Variants in CNTNAP2 observed in about 807,000 individuals in gnomAD.
The protein encoded by CNTNAP2 is contactin associated protein 2.
A neutral mutation model predicts 155.2 loss-of-function variants in CNTNAP2; 98 were observed. The observed-to-expected ratio is 0.63, with a 90% CI of 0.54 to 0.75. The LOEUF (loss-of-function observed/expected upper bound fraction) is 0.75. Ranked by LOEUF, CNTNAP2 falls within the 30% of genes least tolerant of loss-of-function variation. CNTNAP2 has a pLI of 0.00. For missense variants in CNTNAP2, 1,727 were observed against 1,688.1 expected (o/e 1.02, Z -0.40); for synonymous variants, 651 against 631.2 (o/e 1.03, Z -0.47).
intron 8 of CNTNAP2, among the ~76,000 whole-genome samples, chr7:147,274,825 A>C (rs978537417): frequency 6.6e-6 from 1 of 151,930 alleles, no homozygotes; most frequent in Admixed American, 6.6e-5. Context: ...TCAAGTTTTT[A>C]ATCTATCTTG....
chr7:147,105,513 A>C (rs1045230140), intron 4 of CNTNAP2, among the ~76,000 whole-genome samples: 1 of 152,044 alleles, frequency 6.6e-6, no homozygotes, highest in African/African-American at 2.4e-5. Context: ...ATCAAATGAA[A>C]TTTTAATCTA....
At chr7:147,959,089 A>G (rs1563148972) in intron 14 of CNTNAP2, among the ~76,000 whole-genome samples, 5 of 152,172 alleles carry the variant, frequency 3.3e-5, no homozygotes, top group African/African-American at 7.2e-5. Flanking sequence ...TTGGCTGTTG[A>G]GACTTGTATT....
intron 13 of CNTNAP2, among the ~76,000 whole-genome samples, chr7:147,782,191 C>T (rs188685290): frequency 5.5e-4 from 84 of 152,138 alleles, no homozygotes; most frequent in African/African-American, 1.3e-3. Context: ...TAAATTACTA[C>T]GAAACATTTG....
intron 1 of CNTNAP2, among the ~76,000 whole-genome samples, chr7:146,617,775 TATCTC>T (rs1799250844): frequency 6.6e-6 from 1 of 152,120 alleles, no homozygotes; most frequent in Non-Finnish European, 1.5e-5. Context: ...TTTTTTAAAA[TATCTC>T]ATAAAAGTCA....
chr7:146,764,436 C>T (rs1469799146), intron 1 of CNTNAP2, among the ~76,000 whole-genome samples: 2 of 150,742 alleles, frequency 1.3e-5, no homozygotes, highest in East Asian at 3.9e-4. Flanking sequence ...CAGATTACAG[C>T]TAGGGTAAAA....
rs183302478 is a variant in CNTNAP2, at chr7:148,266,590, C to T, written c.3382-443C>T. ...CTACAACTGTTTACCCCACTTGACC[C>T]TCAGCATTTGAGTGTGTGTGTGTGT... is the stretch of plus-strand genomic sequence containing the variant. On this transcript the variant is annotated intron_variant, in intron 20 of 23. Transcript: ENST00000361727. 1.7e-3 allele frequency among the ~76,000 whole-genome samples: 251 copies of T among 149,890 alleles called. 1 individual carries two copies. The highest frequency in any genetic ancestry group is 0.016 in the Admixed American group (236 of 14,932).
intron 5 of CNTNAP2, among the ~76,000 whole-genome samples, chr7:147,119,326 A>G (rs1034046221): frequency 1.2e-4 from 19 of 152,174 alleles, no homozygotes; most frequent in Admixed American, 6.5e-4. Context: ...AAAGTTTATT[A>G]GCTTTACATT....
In CNTNAP2 at chr7:147,028,520, T is replaced by C. The variant is rs1372630133; in HGVS notation, c.403-15387T>C. On this transcript the variant is annotated intron_variant, in intron 3 of 23. Transcript: ENST00000361727. ...AGGGGCACCGTAGAGGTATAGCTAA[T>C]GGAACAAGGGAGAATAGAGTTAGAT... 5.9e-5 allele frequency among the ~76,000 whole-genome samples: 9 copies of C among 152,256 alleles called. 1 individual carries two copies. The East Asian group carries it at 9.7e-4, about 16-fold the overall frequency.
intron 1 of CNTNAP2, among the ~76,000 whole-genome samples, chr7:146,585,733 AGAAAGAAAAAGAAAGAAG>A (rs1332125128): frequency 2.0e-5 from 3 of 148,244 alleles, no homozygotes; most frequent in African/African-American, 5.2e-5. Context: ...GAAAGAAGAA[AGAAAGAAAAAGAAAGAAG>A]GAAAGAAAGA....
chr7:148,047,550 A>G (rs926652103), intron 15 of CNTNAP2, among the ~76,000 whole-genome samples: 2 of 152,186 alleles, frequency 1.3e-5, no homozygotes, highest in East Asian at 1.9e-4. Context: ...ATAAAAAAAA[A>G]GCACAAAAAT....
Position 147,102,425 on chromosome 7 carries a change from G to A in CNTNAP2, c.551-5722G>A, listed in dbSNP as rs140065369. Among the ~76,000 whole-genome samples the A allele has an allele frequency of 5.1e-3, 778 of 152,246 alleles. 3 individuals are homozygous for A. Among genetic ancestry groups the A allele is most frequent in the African/African-American group, 0.017 (713 of 41,552 alleles). On this transcript the variant is annotated intron_variant, in intron 4 of 23. Transcript: ENST00000361727. ...TGAGATGTGCCTGTGGAATATCCAT[G>A]TGGATCAGCCTTCCAAGTTACTGGA...
At chr7:147,455,915 G>A (rs1273070469) in intron 10 of CNTNAP2, among the ~76,000 whole-genome samples, 2 of 152,002 alleles carry the variant, frequency 1.3e-5, no homozygotes, top group African/African-American at 4.8e-5. Context: ...GAGCCAATGA[G>A]TAAAGCAATA....
At chr7:147,921,451 C>T (rs987540041) in intron 14 of CNTNAP2, among the ~76,000 whole-genome samples, 5 of 152,290 alleles carry the variant, frequency 3.3e-5, no homozygotes, top group African/African-American at 1.2e-4. Context: ...TACTACATTG[C>T]ACAGAAGCTA....
At chr7:147,924,582 G>A (rs1800350117) in intron 14 of CNTNAP2, among the ~76,000 whole-genome samples, 2 of 152,288 alleles carry the variant, frequency 1.3e-5, no homozygotes, top group African/African-American at 4.8e-5. Context: ...CCATTCATAA[G>A]GAGTGAACGG....
chr7:146,918,503 G>A (rs1018999948), intron 3 of CNTNAP2, among the ~76,000 whole-genome samples: 1 of 152,118 alleles, frequency 6.6e-6, no homozygotes. Flanking sequence ...GCTAAAGATA[G>A]GACTCCAGTC....
intron 10 of CNTNAP2, among the ~76,000 whole-genome samples, chr7:147,428,611 A>G (rs1584943414): frequency 1.3e-5 from 2 of 152,282 alleles, no homozygotes; most frequent in Non-Finnish European, 1.5e-5. Flanking sequence ...TTTCTTTTAC[A>G]TAGGATTTAG....
intron 3 of CNTNAP2, among the ~76,000 whole-genome samples, chr7:146,933,616 C>T (rs1297418238): frequency 6.8e-6 from 1 of 147,348 alleles, no homozygotes; most frequent in East Asian, 2.0e-4. Context: ...AGAGCTTCTG[C>T]ACAGCAAAAG....
intron 1 of CNTNAP2, among the ~76,000 whole-genome samples, chr7:146,699,373 C>T: frequency 6.6e-6 from 1 of 152,148 alleles, no homozygotes; most frequent in African/African-American, 2.4e-5. Flanking sequence ...GACATGAAGG[C>T]TTTTCACTTG....
intron 8 of CNTNAP2, among the ~76,000 whole-genome samples, chr7:147,222,269 T>A (rs1440728095): frequency 2.0e-5 from 3 of 152,152 alleles, no homozygotes; most frequent in Non-Finnish European, 4.4e-5. Flanking sequence ...TATAGTTTTT[T>A]TTTTCAGTTT....
Sources: allele counts gnomAD v4.1 joint callset (sites outside exome capture counted in the v4.1 genomes callset), GRCh38; gene constraint gnomAD v4.1.1; transcripts MANE v1.5; gene names NCBI Gene and HGNC (gene_info 2026-07-23, HGNC 2026-07-21).